Variants in AGMO observed in about 807,000 individuals in gnomAD.
AGMO encodes the protein glyceryl-ether monooxygenase.
In AGMO, 75 loss-of-function variants were observed where a neutral mutation model predicts 60.2. The observed-to-expected ratio is 1.25, with a 90% confidence interval of 1.03 to 1.51. The LOEUF is 1.51. Ranked by LOEUF, AGMO falls within the 40% of genes most tolerant of loss-of-function variation. The pLI is 0.00. For missense variants in AGMO, 763 were observed against 525.5 expected (o/e 1.45, Z -4.42); for synonymous variants, 261 against 177.1 (o/e 1.47, Z -3.76).
chr7:15,488,210 T>C (rs760133072), intron 3 of AGMO, among the ~76,000 whole-genome samples: 9 of 152,226 alleles, frequency 5.9e-5, no homozygotes, highest in Non-Finnish European at 1.2e-4. Flanking sequence ...AAGCAGTTTC[T>C]GAATATTACA....
Position 15,531,406 on chromosome 7 carries a change from CTATATATATTCTATATATATTCTA to C in AGMO, c.409+13342_409+13365del, listed in dbSNP as rs1562557230. ...TCTATATATATTCTATATATATATT[CTATATATATTCTATATATATTCTA>C]TATATATATTCTATATATATTCTCT... On this transcript the variant is annotated intron_variant, in intron 3 of 12. Transcript: ENST00000342526. Among the ~76,000 whole-genome samples the C allele has an allele frequency of 2.9e-3, 171 of 59,400 alleles. 18 individuals carry two copies. The highest frequency in any genetic ancestry group is 5.2e-3 in the South Asian group (10 of 1,916). 39.0% of individuals were successfully genotyped at this position (59,400 alleles called of 152,430 possible). A position where few individuals can be genotyped will look rare whatever the true frequency, so the allele number is the denominator to read the frequency against.
At chr7:15,387,706 T>C (rs1783974235) in intron 8 of AGMO, among the ~76,000 whole-genome samples, 166 bp from the exon 9 acceptor site, 1 of 152,214 alleles carries the variant, frequency 6.6e-6, no homozygotes, top group East Asian at 1.9e-4. Flanking sequence ...CTGTAATCTA[T>C]TCTATGCACT....
At chr7:15,409,765 T>C (rs909529480) in intron 5 of AGMO, among the ~76,000 whole-genome samples, 1 of 151,712 alleles carries the variant, frequency 6.6e-6, no homozygotes, top group Non-Finnish European at 1.5e-5. Context: ...GAAATGACCA[T>C]TGTAGAGGGA....
the AGMO span, among the ~76,000 whole-genome samples, chr7:15,180,956 A>G: frequency 2.0e-5 from 3 of 152,184 alleles, no homozygotes; most frequent in African/African-American, 7.2e-5. Flanking sequence ...AGCAAGGGAT[A>G]CATAGATAAA....
At chr7:15,151,123 T>A in the AGMO span, among the ~76,000 whole-genome samples, 1 of 152,118 alleles carries the variant, frequency 6.6e-6, no homozygotes, top group Non-Finnish European at 1.5e-5. Flanking sequence ...TTCACAATAG[T>A]CTCTAAGTTT....
chr7:15,221,655 A>C lies in AGMO; in HGVS notation c.1264-20296T>G, dbSNP rs1454476673. On this transcript the variant is annotated intron_variant, in intron 12 of 12. Transcript: ENST00000342526. ...ACTGGAAATTGTAGAATCCCTTTTA[A>C]AGAGAAAATGAGCATATGGAAGCTC... Among the ~76,000 whole-genome samples, 4 of 152,150 alleles carry C rather than the reference A, an allele frequency of 2.6e-5. No individual in the cohort carries two copies. The East Asian group carries it at 7.7e-4, about 29-fold the overall frequency.
chr7:15,199,345 C>G (rs562411630), downstream of AGMO, among the ~76,000 whole-genome samples: 1 of 152,166 alleles, frequency 6.6e-6, no homozygotes, highest in African/African-American at 2.4e-5. Context: ...ATTCAATTTA[C>G]TCAAAGAAAA....
intron 2 of AGMO, among the ~76,000 whole-genome samples, chr7:15,558,952 G>C (rs1027115866): frequency 2.0e-5 from 3 of 152,084 alleles, no homozygotes; most frequent in Admixed American, 2.0e-4. Context: ...TGGGTGGGAA[G>C]CTGGAATGAG....
chr7:15,528,561 C>G (rs1203427043), intron 3 of AGMO, among the ~76,000 whole-genome samples: 1 of 152,036 alleles, frequency 6.6e-6, no homozygotes, highest in Non-Finnish European at 1.5e-5. Flanking sequence ...AAACTGACAT[C>G]CAGTTTGCAG....
At chr7:15,293,152 TCAA>T (rs891451948) in intron 12 of AGMO, among the ~76,000 whole-genome samples, 4 of 152,238 alleles carry the variant, frequency 2.6e-5, no homozygotes, top group African/African-American at 9.6e-5. Flanking sequence ...TGGTACAGGC[TCAA>T]CAAAAGACAA....
At chr7:15,468,267 T>C (rs1001974784) in intron 3 of AGMO, among the ~76,000 whole-genome samples, 1 of 152,208 alleles carries the variant, frequency 6.6e-6, no homozygotes, top group South Asian at 2.1e-4. Flanking sequence ...CTTTTGTTTT[T>C]ACTTTTCTCC....
At chr7:15,299,380 C>T (rs933251999) in intron 12 of AGMO, among the ~76,000 whole-genome samples, 2 of 151,896 alleles carry the variant, frequency 1.3e-5, no homozygotes, top group African/African-American at 2.4e-5. Context: ...TTTTTTGTGT[C>T]CCCGAGCAGA....
the AGMO span, among the ~76,000 whole-genome samples, chr7:15,172,698 C>T: frequency 6.6e-6 from 1 of 152,010 alleles, no homozygotes. Flanking sequence ...TTCTCTGATG[C>T]TCCAGAGGTG....
chr7:15,426,920 T>C (rs945130928), intron 4 of AGMO, among the ~76,000 whole-genome samples: 3 of 152,012 alleles, frequency 2.0e-5, no homozygotes, highest in African/African-American at 7.2e-5. Flanking sequence ...GTGTGGAAGA[T>C]GAAACTGGAG....
the AGMO span, among the ~76,000 whole-genome samples, chr7:15,141,894 CA>C: frequency 1.3e-5 from 2 of 152,144 alleles, no homozygotes; most frequent in Non-Finnish European, 1.5e-5. Flanking sequence ...CCAGGTAACA[CA>C]GCAATTTAAA....
At chr7:15,494,576 C>CACA (rs1478816254) in intron 3 of AGMO, among the ~76,000 whole-genome samples, 3 of 152,172 alleles carry the variant, frequency 2.0e-5, no homozygotes, top group African/African-American at 7.2e-5. Flanking sequence ...AAAGATGCTC[C>CACA]TGGACCATGT....
chr7:15,382,025 G>T (rs1235853949), intron 10 of AGMO, among the ~76,000 whole-genome samples: 1 of 152,088 alleles, frequency 6.6e-6, no homozygotes, highest in African/African-American at 2.4e-5. Context: ...TCTATTGGAG[G>T]GTGGAGGGTG....
intron 4 of AGMO, among the ~76,000 whole-genome samples, chr7:15,423,226 A>C (rs1004888988): frequency 4.6e-5 from 7 of 152,184 alleles, no homozygotes; most frequent in Non-Finnish European, 1.0e-4. Context: ...TCAGAAACTA[A>C]AGATTGAAGA....
the AGMO span, among the ~76,000 whole-genome samples, chr7:15,135,420 A>T: frequency 2.0e-5 from 3 of 152,132 alleles, no homozygotes; most frequent in African/African-American, 7.2e-5. Flanking sequence ...TCATGACTGT[A>T]ACATCTGCCA....
Sources: allele counts gnomAD v4.1 joint callset (sites outside exome capture counted in the v4.1 genomes callset), GRCh38; gene constraint gnomAD v4.1.1; transcripts MANE v1.5; gene names NCBI Gene and HGNC (gene_info 2026-07-23, HGNC 2026-07-21).